The following NXPH1 variants were observed in gnomAD, a reference collection of about 807,000 sequenced individuals.
NXPH1 encodes the protein neurexophilin 1, also known as neurexophilin-1.
In NXPH1, 5 loss-of-function variants were observed where a neutral mutation model predicts 23.7. That is an observed-to-expected ratio of 0.21 (90% CI 0.11 to 0.44). NXPH1 has a LOEUF of 0.44. NXPH1 is among the 20% of genes least tolerant of loss of function. The pLI, the probability that NXPH1 is intolerant of heterozygous loss-of-function variation, is 0.99. For missense variants in NXPH1, 324 were observed against 321.6 expected, an observed-to-expected ratio of 1.01 and a Z score of -0.06; for synonymous variants, 144 against 122.2, an observed-to-expected ratio of 1.18 and a Z score of -1.18.
intron 2 of NXPH1, among the ~76,000 whole-genome samples, chr7:8,592,113 A>G (rs1370158012): frequency 6.6e-6 from 1 of 152,002 alleles, no homozygotes. Flanking sequence ...GGTACTATGG[A>G]GGAAACCAAA....
At chr7:8,577,976 C>A (rs906231569) in intron 2 of NXPH1, among the ~76,000 whole-genome samples, 1 of 152,148 alleles carries the variant, frequency 6.6e-6, no homozygotes, top group African/African-American at 2.4e-5. Flanking sequence ...GCAGTCCCAG[C>A]GGACCTCAGA....
intron 2 of NXPH1, among the ~76,000 whole-genome samples, chr7:8,457,020 C>A (rs1816607298): frequency 6.6e-6 from 1 of 152,178 alleles, no homozygotes. Flanking sequence ...CAAAGAACCC[C>A]TAATGTCCAC....
rs76457244 is a variant in NXPH1, at chr7:8,498,100, C to G, written c.54+62333C>G. 6.5e-3 allele frequency among the ~76,000 whole-genome samples: 992 copies of G among 152,170 alleles called. 13 individuals carry two copies. The highest frequency in any genetic ancestry group is 0.023 in the African/African-American group (948 of 41,556). On this transcript the variant is annotated intron_variant, in intron 2 of 2. Transcript: ENST00000405863. ...TTGTGAGAATATTGAATCAAATGAG[C>G]TAATATCTGTGAAAATGCTTTTTAA... is the stretch of plus-strand genomic sequence containing the variant.
At chr7:8,555,697 T>A (rs1818346166) in intron 2 of NXPH1, among the ~76,000 whole-genome samples, 1 of 151,728 alleles carries the variant, frequency 6.6e-6, no homozygotes, top group African/African-American at 2.4e-5. Flanking sequence ...CTGCTAGAAT[T>A]TAGGCAGTTT....
chr7:8,741,538 C>T (rs953339702), intron 2 of NXPH1, among the ~76,000 whole-genome samples: 3 of 152,072 alleles, frequency 2.0e-5, no homozygotes, highest in East Asian at 1.9e-4. Flanking sequence ...ACAGCTGTTC[C>T]CTTTCTCCAC....
intron 2 of NXPH1, among the ~76,000 whole-genome samples, chr7:8,572,693 G>A (rs1371286403): frequency 6.6e-6 from 1 of 151,892 alleles, no homozygotes; most frequent in Non-Finnish European, 1.5e-5. Flanking sequence ...AATACATAAT[G>A]GAAACCTCCT....
intron 2 of NXPH1, among the ~76,000 whole-genome samples, chr7:8,551,542 A>C (rs937377755): frequency 4.0e-5 from 6 of 151,698 alleles, no homozygotes; most frequent in African/African-American, 1.2e-4. Context: ...TTTTGGAACA[A>C]GGTAAAATAC....
intron 2 of NXPH1, among the ~76,000 whole-genome samples, chr7:8,565,122 TC>T (rs1818517393): frequency 6.6e-6 from 1 of 151,698 alleles, no homozygotes; most frequent in Non-Finnish European, 1.5e-5. Context: ...CCCTGTGTAT[TC>T]TTTCTCATAT....
chr7:8,600,194 A>G (rs955399637), intron 2 of NXPH1, among the ~76,000 whole-genome samples: 2 of 141,532 alleles, frequency 1.4e-5, no homozygotes, highest in African/African-American at 6.2e-5. Flanking sequence ...GGGTATAAGA[A>G]AGTAGGCAAA....
intron 2 of NXPH1, among the ~76,000 whole-genome samples, chr7:8,486,999 A>G (rs1817169506): frequency 6.6e-6 from 1 of 152,166 alleles, no homozygotes; most frequent in South Asian, 2.1e-4. Flanking sequence ...ATGATCAGAT[A>G]TTATGCATAT....
At chr7:8,599,648 C>A (rs1001910342) in intron 2 of NXPH1, among the ~76,000 whole-genome samples, 1 of 152,062 alleles carries the variant, frequency 6.6e-6, no homozygotes, top group African/African-American at 2.4e-5. Flanking sequence ...ACACTAAGTT[C>A]AATCACTTCA....
At chr7:8,505,532 TAA>T (rs1391308312) in intron 2 of NXPH1, among the ~76,000 whole-genome samples, 1 of 151,974 alleles carries the variant, frequency 6.6e-6, no homozygotes, top group Non-Finnish European at 1.5e-5. Context: ...GTAGAAGCAA[TAA>T]AAGAAAAACA....
chr7:8,661,148 C>T (rs933896790), intron 2 of NXPH1, among the ~76,000 whole-genome samples: 9 of 152,062 alleles, frequency 5.9e-5, no homozygotes, highest in African/African-American at 2.2e-4. Flanking sequence ...GAGGTGTCTT[C>T]ATTTTCTAAC....
At chr7:8,689,987 A>G (rs1374994515) in intron 2 of NXPH1, among the ~76,000 whole-genome samples, 1 of 152,228 alleles carries the variant, frequency 6.6e-6, no homozygotes, top group African/African-American at 2.4e-5. Flanking sequence ...CTAAGACCAT[A>G]ATAAGCCTAG....
At chr7:8,749,681 T>A (rs1780531891) in intron 2 of NXPH1, among the ~76,000 whole-genome samples, 3 of 152,324 alleles carry the variant, frequency 2.0e-5, no homozygotes, top group African/African-American at 4.8e-5. Context: ...GACTCAGAAC[T>A]GGTTCTCCAG....
chr7:8,734,350 TA>T (rs1780208710), intron 2 of NXPH1, among the ~76,000 whole-genome samples: 1 of 152,192 alleles, frequency 6.6e-6, no homozygotes, highest in Admixed American at 6.5e-5. Flanking sequence ...TTGTCTTGGC[TA>T]TACGGGCTCT....
At chr7:8,519,842 A>G (rs555881860) in intron 2 of NXPH1, among the ~76,000 whole-genome samples, 63 of 152,284 alleles carry the variant, frequency 4.1e-4, no homozygotes, top group African/African-American at 1.4e-3. Flanking sequence ...ATACACATGT[A>G]TACATACAAA....
chr7:8,712,805 G>A (rs921150071), intron 2 of NXPH1, among the ~76,000 whole-genome samples: 4 of 152,034 alleles, frequency 2.6e-5, no homozygotes, highest in South Asian at 2.1e-4. Context: ...GTCAGAATTC[G>A]AACTCTTATT....
At chr7:8,475,099 T>C (rs774006771) in intron 2 of NXPH1, among the ~76,000 whole-genome samples, 5 of 152,110 alleles carry the variant, frequency 3.3e-5, no homozygotes, top group Admixed American at 6.6e-5. Context: ...AGAACTTGTT[T>C]TCCTGCAGTG....
Sources: gnomAD v4.1 joint callset for allele counts (sites outside exome capture counted in the v4.1 genomes callset) on GRCh38, gnomAD v4.1.1 for gene constraint, MANE v1.5 for transcripts, NCBI Gene and HGNC (gene_info 2026-07-23, HGNC 2026-07-21) for gene names.